Variants in EOGT observed in about 807,000 individuals in gnomAD.
The protein encoded by EOGT is EGF domain-specific O-linked N-acetylglucosamine transferase.
A neutral mutation model predicts 70.5 loss-of-function variants in EOGT; 55 were observed. That is an observed-to-expected ratio of 0.78 (90% CI 0.63 to 0.98). The LOEUF (loss-of-function observed/expected upper bound fraction) is 0.98, where lower values mean the gene tolerates loss of function less well. EOGT is among the 50% of genes least tolerant of loss of function. EOGT has a pLI of 0.00. For missense variants in EOGT, 703 were observed against 641.9 expected (o/e 1.10, Z -1.03); for synonymous variants, 246 against 217.1 (o/e 1.13, Z -1.17).
rs754501958 is a variant in EOGT, at chr3:68,979,801, G to A, written c.1215-14C>T. 59 of 1,611,314 alleles carry A rather than the reference G, an allele frequency of 3.7e-5. No homozygotes were observed. Among genetic ancestry groups the A allele is most frequent in the Middle Eastern group, 1.6e-4 (1 of 6,068 alleles). The stretch of plus-strand genomic sequence containing the variant: ...AACCCAAGTTCTCTGTGAACATACA[G>A]AATAACATGAGAGAGATGGGGAGAA... On this transcript the variant is annotated splice_polypyrimidine_tract_variant and intron_variant, in intron 15 of 17. Coordinates refer to ENST00000383701, the MANE Select transcript of EOGT (RefSeq NM_001278689.2).
chr3:69,009,014 GC>G (rs1052238291), intron 4 of EOGT, among the ~76,000 whole-genome samples: 10 of 152,216 alleles, frequency 6.6e-5, no homozygotes, highest in African/African-American at 2.4e-4. Flanking sequence ...GCTGCTGCTG[GC>G]CAAGGAGTTG....
At chr3:69,012,134 G>C (rs374979622) in intron 2 of EOGT, 143 bp from the exon 3 acceptor site, 5 of 152,066 alleles carry the variant, frequency 3.3e-5, no homozygotes, top group Non-Finnish European at 7.4e-5. Context: ...CCGGTGGTGC[G>C]CTTTCTTTTC....
At chr3:68,987,178 G>A (rs1410759118) in intron 14 of EOGT, among the ~76,000 whole-genome samples, 2 of 152,196 alleles carry the variant, frequency 1.3e-5, no homozygotes, top group Non-Finnish European at 2.9e-5. Context: ...GCCCTCTACT[G>A]CAGTCAAGGC....
chr3:69,011,177 T>C (rs1422999332), intron 3 of EOGT, among the ~76,000 whole-genome samples: 1 of 150,110 alleles, frequency 6.7e-6, no homozygotes, highest in East Asian at 1.9e-4. Flanking sequence ...CAGGTCACTT[T>C]AGTGGGATCT....
intron 6 of EOGT, among the ~76,000 whole-genome samples, chr3:69,005,663 G>T (rs1249530680): frequency 6.6e-6 from 1 of 152,202 alleles, no homozygotes; most frequent in African/African-American, 2.4e-5. Context: ...AGGGAAGTTT[G>T]CCAGTTTTAA....
chr3:68,989,831 C>T (rs1430684822), intron 10 of EOGT, among the ~76,000 whole-genome samples: 3 of 150,392 alleles, frequency 2.0e-5, no homozygotes, highest in Admixed American at 6.6e-5. Flanking sequence ...AATTCCAGCG[C>T]TTTGGGAGGC....
At chr3:68,999,705 C>G (rs1252276895) in intron 9 of EOGT, among the ~76,000 whole-genome samples, 1 of 152,106 alleles carries the variant, frequency 6.6e-6, no homozygotes, top group Non-Finnish European at 1.5e-5. Flanking sequence ...CAGAATCTAT[C>G]CTCTTTTCCC....
At chr3:68,997,732 C>T (rs991545866) in intron 10 of EOGT, among the ~76,000 whole-genome samples, 1 of 152,136 alleles carries the variant, frequency 6.6e-6, no homozygotes, top group African/African-American at 2.4e-5. Context: ...GAATCTCTGG[C>T]CTTTGGAGCT....
chr3:69,006,989 CT>C (rs1270972401), intron 6 of EOGT, among the ~76,000 whole-genome samples: 1 of 152,168 alleles, frequency 6.6e-6, no homozygotes, highest in African/African-American at 2.4e-5. Flanking sequence ...CACAGAAAAG[CT>C]TTCTGCAAAC....
intron 10 of EOGT, among the ~76,000 whole-genome samples, chr3:68,996,453 G>A (rs770684881): frequency 6.6e-6 from 1 of 152,232 alleles, no homozygotes; most frequent in Non-Finnish European, 1.5e-5. Flanking sequence ...GATCTAAAAA[G>A]ATGCTTGATG....
chr3:68,979,583 C>T, intron 16 of EOGT, 85 bp downstream of exon 16: 3 of 1,397,352 alleles, frequency 2.1e-6, no homozygotes, highest in East Asian at 2.4e-5. Context: ...AAATATTAAG[C>T]CTTTTGATGC....
chr3:68,998,272 G>C (rs1409689365), intron 9 of EOGT, among the ~76,000 whole-genome samples, 158 bp from the exon 10 acceptor site: 1 of 152,166 alleles, frequency 6.6e-6, no homozygotes, highest in Non-Finnish European at 1.5e-5. Context: ...AAATGATCTA[G>C]ATACATAGGT....
rs138615221 is a variant in EOGT at position 68,981,453 on chromosome 3, G to C, written c.1214+1358C>G. 3.5e-3 allele frequency among the ~76,000 whole-genome samples: 530 copies of C among 152,306 alleles called. 3 individuals carry two copies. The highest frequency in any genetic ancestry group is 0.012 in the African/African-American group (498 of 41,566). ...TGGGATATGTATACTTCTTTTAACT[G>C]GAAAGTGTTCACAGTGTTAGATTTG... On this transcript the variant is annotated intron_variant, in intron 15 of 17. Coordinates refer to ENST00000383701, the MANE Select transcript of EOGT (RefSeq NM_001278689.2).
rs2091407941 is a variant in EOGT at position 69,005,200 on chromosome 3, T to A, written c.455A>T (p.Gln152Leu). 1 of 1,605,658 alleles carries A rather than the reference T, an allele frequency of 6.2e-7. No individual in the cohort carries two copies. Among genetic ancestry groups the A allele is most frequent in the Non-Finnish European group, 8.5e-7 (1 of 1,173,244 alleles). The stretch of plus-strand genomic sequence containing the variant: ...ATAGAGATTGGTTGCTCTGCAGTAC[T>A]GAAGATAACGGGAACACACCAGACT... ...DSSLVCSRYL[Q>L]YCRATNLYLD... Residue 152 changes from glutamine to leucine, a missense_variant, in exon 7 of 18, where the codon CAG (glutamine) becomes CTG (leucine). Gln to Leu is a moderately radical substitution (Grantham distance 113). Transcript: ENST00000383701.
chr3:69,009,708 T>C lies in EOGT; in HGVS notation c.139A>G (p.Ile47Val). The change falls in exon 4 of 18, where the codon ATT (isoleucine) becomes GTT (valine). Residue 47 changes from isoleucine to valine, a missense_variant. Coordinates refer to ENST00000383701, the MANE Select transcript of EOGT (RefSeq NM_001278689.2). The part of the protein sequence containing the change: ...YASIRLPEEH[I>V]PFFLHNNRHI... ...CTATTGTTGTGCAAAAAGAAGGGAA[T>C]GTGCTCCTCTGGCAAGCGGATGCTG... The C allele has an allele frequency of 3.7e-6, 6 of 1,614,030 alleles. No homozygotes were observed. Among genetic ancestry groups the C allele is most frequent in the Non-Finnish European group, 5.1e-6 (6 of 1,180,020 alleles).
rs1289802312 is a variant in EOGT at position 69,009,930 on chromosome 3, C to CA, written c.-14-71dup. 2,676 of 466,240 alleles carry CA rather than the reference C, an allele frequency of 5.7e-3. 22 individuals are homozygous for CA. Among genetic ancestry groups the CA allele is most frequent in the African/African-American group, 0.041 (1,400 of 33,890 alleles). The allele number at this position is 466,240 out of a possible 1,614,324, so 28.9% of individuals were successfully genotyped here. A position where few individuals can be genotyped will look rare whatever the true frequency, so the allele number is the denominator to read the frequency against. On this transcript the variant is annotated intron_variant, in intron 3 of 17. Transcript: ENST00000383701. ...AAAGCCAAAACAACAACAACAACAA[C>CA]AACAAAAAAAAAAAAAAAACAAAGG...
At chr3:68,988,600 A>C (rs771750183) in intron 11 of EOGT, 23 bp from the exon 12 acceptor site, 2 of 1,455,130 alleles carry the variant, frequency 1.4e-6, no homozygotes, top group Non-Finnish European at 1.8e-6. Flanking sequence ...ATACATTAAA[A>C]GAAGATGTAA....
rs769655185 is a variant in EOGT, at chr3:69,005,247, C to A, written c.421-13G>T. 1.3e-6 allele frequency: 2 copies of A among 1,493,274 alleles called. No homozygotes were observed. Among genetic ancestry groups the A allele is most frequent in the African/African-American group, 1.4e-5 (1 of 72,018 alleles). The allele number at this position is 1,493,274 out of a possible 1,614,324, so 92.5% of individuals were successfully genotyped here. ...GACTTGAGTCACTCTGAAGGTTGAG[C>A]AAAAGAAAAGAATGACTCTGAGTAT... On this transcript the variant is annotated splice_polypyrimidine_tract_variant and intron_variant, in intron 6 of 17. Coordinates refer to ENST00000383701, the MANE Select transcript of EOGT (RefSeq NM_001278689.2).
At chr3:69,000,778 TGAGA>T (rs1248006583) in intron 9 of EOGT, among the ~76,000 whole-genome samples, 2 of 152,300 alleles carry the variant, frequency 1.3e-5, no homozygotes, top group Admixed American at 1.3e-4. Context: ...GCTTGCAAGC[TGAGA>T]AAGAGGCTAT....
Sources: allele counts gnomAD v4.1 joint callset (sites outside exome capture counted in the v4.1 genomes callset), GRCh38; gene constraint gnomAD v4.1.1; transcripts MANE v1.5; gene names NCBI Gene and HGNC (gene_info 2026-07-23, HGNC 2026-07-21).